DNAH3: variants seen among roughly 807,000 people sequenced by gnomAD.
The protein encoded by DNAH3 is axonemal beta dynein heavy chain 3.
A neutral mutation model predicts 432.5 loss-of-function variants in DNAH3; 332 were observed. That is an observed-to-expected ratio of 0.77 (90% CI 0.70 to 0.84). The LOEUF (loss-of-function observed/expected upper bound fraction) is 0.84. Among genes scored for constraint, DNAH3 ranks in the 40% least tolerant of loss-of-function variants. DNAH3 has a pLI of 0.00. For synonymous variants in DNAH3, 1,956 were observed against 1,900.2 expected (o/e 1.03, Z -0.76); for missense variants, 4,861 against 5,114.0 (o/e 0.95, Z 1.51).
chr16:21,089,375 T>G (rs1376308616), intron 18 of DNAH3, among the ~76,000 whole-genome samples: 6 of 152,214 alleles, frequency 3.9e-5, no homozygotes, highest in Non-Finnish European at 2.9e-5. Context: ...GCTTGATCCC[T>G]TGATAAAATA....
intron 46 of DNAH3, 92 bp downstream of exon 46, chr16:20,987,601 T>C: frequency 1.3e-6 from 2 of 1,548,256 alleles, no homozygotes; most frequent in Non-Finnish European, 8.8e-7. Flanking sequence ...ACTAAGTGCC[T>C]AATAAAAGTT....
At chr16:20,936,462 A>G (rs2152564885) in intron 60 of DNAH3, among the ~76,000 whole-genome samples, 187 bp downstream of exon 60, 1 of 151,922 alleles carries the variant, frequency 6.6e-6, no homozygotes, top group East Asian at 1.9e-4. Flanking sequence ...GGCCGGCTAT[A>G]ATCTTTTCCA....
intron 1 of DNAH3, among the ~76,000 whole-genome samples, chr16:21,153,707 CATCCGAGCAT>C (rs2152837613): frequency 6.6e-6 from 1 of 152,226 alleles, no homozygotes; most frequent in Non-Finnish European, 1.5e-5. Flanking sequence ...ACTCCGAACA[CATCCGAGCAT>C]CAGAAGGAAC....
At chr16:20,973,448 T>C (rs1199100668) in intron 51 of DNAH3, among the ~76,000 whole-genome samples, 1 of 152,092 alleles carries the variant, frequency 6.6e-6, no homozygotes, top group African/African-American at 2.4e-5. Context: ...AGATAAGGTT[T>C]TGTCATGTTG....
intron 27 of DNAH3, among the ~76,000 whole-genome samples, chr16:21,057,730 T>A (rs1017270106): frequency 6.6e-6 from 1 of 152,058 alleles, no homozygotes; most frequent in South Asian, 2.1e-4. Context: ...AAGGAGGCTG[T>A]AAAGGAGAAG....
chr16:21,141,236 G>A, intron 4 of DNAH3, 64 bp downstream of exon 5: 1 of 1,135,580 alleles, frequency 8.8e-7, no homozygotes, highest in Non-Finnish European at 1.3e-6. Flanking sequence ...TGGCTTTAGT[G>A]AGACCACATC....
At chr16:20,962,312 A>G (rs752834310) in intron 53 of DNAH3, among the ~76,000 whole-genome samples, 5 of 152,224 alleles carry the variant, frequency 3.3e-5, no homozygotes, top group Non-Finnish European at 5.9e-5. Flanking sequence ...GAATTACTGG[A>G]AAGGCTTCAT....
At chr16:20,996,953 A>G (rs2086787886) in intron 44 of DNAH3, 1 of 236,668 alleles carries the variant, frequency 4.2e-6, no homozygotes, top group Non-Finnish European at 8.2e-6. Context: ...AACGAATACA[A>G]TGGATGACTG....
intron 19 of DNAH3, among the ~76,000 whole-genome samples, chr16:21,083,677 T>C (rs2091269309): frequency 6.6e-6 from 1 of 151,404 alleles, no homozygotes; most frequent in South Asian, 2.1e-4. Flanking sequence ...CTTCTAGACT[T>C]GAGTGCTACA....
chr16:21,110,500 C>T (rs975370265), intron 14 of DNAH3, among the ~76,000 whole-genome samples: 6 of 152,082 alleles, frequency 3.9e-5, no homozygotes, highest in Non-Finnish European at 7.3e-5. Flanking sequence ...ATGGAGCCAA[C>T]GTGGAGGAAA....
In DNAH3 at chr16:21,040,724, C is replaced by T. The variant is rs1183080049; in HGVS notation, c.4639-781G>A. 2.0e-5 allele frequency among the ~76,000 whole-genome samples: 3 copies of T among 152,198 alleles called. No homozygotes were observed. The East Asian group carries it at 5.8e-4, about 29-fold the overall frequency. On this transcript the variant is annotated intron_variant, in intron 32 of 61. Coordinates refer to ENST00000261383, the Ensembl canonical transcript of DNAH3. ...CGACTAGCATGGGCAAGTTATACAACCCTTGTAGATCTCTATTCTTTCATC... is the reference window on the plus strand; with the variant it reads ...CGACTAGCATGGGCAAGTTATACAATCCTTGTAGATCTCTATTCTTTCATC...
intron 10 of DNAH3, chr16:21,120,927 G>T: frequency 8.9e-7 from 1 of 1,126,994 alleles, no homozygotes; most frequent in Non-Finnish European, 1.3e-6. Flanking sequence ...CTGGTTGTAG[G>T]AGAGCTGCCC....
chr16:21,087,474 A>G lies in DNAH3; in HGVS notation c.2666-414T>C, dbSNP rs144059883. Among the ~76,000 whole-genome samples the G allele has an allele frequency of 2.6e-5, 4 of 152,314 alleles. No homozygotes were observed. The East Asian group carries it at 7.7e-4, about 29-fold the overall frequency. On this transcript the variant is annotated intron_variant, in intron 18 of 61. Coordinates refer to ENST00000261383, the Ensembl canonical transcript of DNAH3. ...CAAGGTGGGAGGACTGCTTGAGCCTAGCAGTTTGAGACCAGCCTGGGCAAC... is the reference window on the plus strand; with the variant it reads ...CAAGGTGGGAGGACTGCTTGAGCCTGGCAGTTTGAGACCAGCCTGGGCAAC...
At chr16:21,012,052 C>G (rs1347949226) in intron 41 of DNAH3, among the ~76,000 whole-genome samples, 1 of 152,188 alleles carries the variant, frequency 6.6e-6, no homozygotes, top group East Asian at 1.9e-4. Context: ...GACAATTTCA[C>G]TCCATGGCCT....
intron 7 of DNAH3, among the ~76,000 whole-genome samples, chr16:21,128,689 T>A (rs2092491655): frequency 1.5e-5 from 1 of 65,932 alleles, no homozygotes; most frequent in African/African-American, 7.4e-5. Context: ...GCGAGACTCG[T>A]CTAAAAAAAA....
At chr16:21,029,796 T>G (rs751550826) in intron 37 of DNAH3, among the ~76,000 whole-genome samples, 5 of 152,240 alleles carry the variant, frequency 3.3e-5, no homozygotes, top group Non-Finnish European at 7.3e-5. Context: ...TGTGTTGTGT[T>G]GGGCAAGTTA....
intron 21 of DNAH3, among the ~76,000 whole-genome samples, chr16:21,073,771 C>G (rs1033207063): frequency 1.3e-5 from 2 of 152,146 alleles, no homozygotes; most frequent in Non-Finnish European, 2.9e-5. Flanking sequence ...TCTGAGCAAC[C>G]TTGTCTGATA....
rs779104840 is a variant in DNAH3 at position 20,985,030 on chromosome 16, G to A, written c.7665+47C>T. 5.4e-5 allele frequency: 84 copies of A among 1,565,166 alleles called. No individual in the cohort carries two copies. In the Middle Eastern group the frequency reaches 9.2e-4, roughly 17 times the overall value. ...AACACCCAGAAGAACAAGGGCAAATGGAGTTTTCTTCTTCTTACCGAGGAC... is the reference window on the plus strand; with the variant it reads ...AACACCCAGAAGAACAAGGGCAAATAGAGTTTTCTTCTTCTTACCGAGGAC... On this transcript the variant is annotated intron_variant, in intron 48 of 61. Transcript: ENST00000261383.
chr16:20,963,944 T>C (rs1474367473), exon 53 of DNAH3: 4 of 1,614,002 alleles, frequency 2.5e-6, no homozygotes, highest in African/African-American at 1.3e-5. Flanking sequence ...ATCGGCTCGA[T>C]GTTGGCCAGG....
Sources: allele counts gnomAD v4.1 joint callset (sites outside exome capture counted in the v4.1 genomes callset), GRCh38; gene constraint gnomAD v4.1.1; transcripts MANE v1.5; gene names NCBI Gene and HGNC (gene_info 2026-07-23, HGNC 2026-07-21).